Variants in SLC26A9 observed in about 807,000 individuals in gnomAD.
The protein encoded by SLC26A9 is solute carrier family 26 member 9.
A neutral mutation model predicts 87.1 loss-of-function variants in SLC26A9; 46 were observed. That is an observed-to-expected ratio of 0.53 (90% CI 0.42 to 0.67). The LOEUF (loss-of-function observed/expected upper bound fraction) is 0.67. SLC26A9 is among the 30% of genes least tolerant of loss of function. The pLI, the probability that SLC26A9 is intolerant of heterozygous loss-of-function variation, is 0.00. For synonymous variants in SLC26A9, 437 were observed against 409.1 expected (o/e 1.07, Z -0.82); for missense variants, 927 against 1,018.3 (o/e 0.91, Z 1.22).
intron 7 of SLC26A9, 59 bp from the exon 8 acceptor site, chr1:205,928,968 C>T (rs1659194130): frequency 1.3e-6 from 2 of 1,589,604 alleles, no homozygotes; most frequent in Admixed American, 3.4e-5. Context: ...GGGCAGGCGT[C>T]TCTCTCAAGT....
At chr1:205,936,309 T>C (rs576169634) in intron 1 of SLC26A9, among the ~76,000 whole-genome samples, 102 of 152,312 alleles carry the variant, frequency 6.7e-4, no homozygotes, top group African/African-American at 2.4e-3. Flanking sequence ...ACAGCTTGCC[T>C]AGAGGCAGGG....
chr1:205,931,725 C>T (rs1352237437), intron 5 of SLC26A9, 135 bp downstream of exon 5: 9 of 1,235,022 alleles, frequency 7.3e-6, no homozygotes, highest in Non-Finnish European at 7.7e-6. Context: ...CCTCAGCCTC[C>T]CAAAGTGCTG....
rs911909832 is a variant in SLC26A9, at chr1:205,913,151, T to G, written c.*2206A>C. ...ATATCTCAAGAGATAAGGTTCCCAG[T>G]CCTCCCTGGGAATTATATTATCACA... On this transcript the variant is annotated 3_prime_UTR_variant, in exon 21 of 21. Coordinates refer to ENST00000367135, the MANE Select transcript of SLC26A9 (RefSeq NM_052934.4). 5 of 152,156 alleles carry G rather than the reference T, an allele frequency of 3.3e-5. No homozygotes were observed. The highest frequency in any genetic ancestry group is 7.2e-5 in the African/African-American group (3 of 41,422). The allele number at this position is 152,156 out of a possible 1,614,324, so 9.4% of individuals were successfully genotyped here. A position where few individuals can be genotyped will look rare whatever the true frequency, so the allele number is the denominator to read the frequency against.
intron 1 of SLC26A9, among the ~76,000 whole-genome samples, chr1:205,937,913 T>C (rs1316342736): frequency 6.6e-6 from 1 of 151,698 alleles, no homozygotes; most frequent in Non-Finnish European, 1.5e-5. Context: ...AGCCAAAAAT[T>C]TCAAGGGGGG....
intron 2 of SLC26A9, among the ~76,000 whole-genome samples, chr1:205,933,308 TG>T (rs1659382963): frequency 6.6e-6 from 1 of 152,176 alleles, no homozygotes. Context: ...GCTGCTTACC[TG>T]GGGAGTTTAT....
At position 205,914,662 on chromosome 1, in the gene SLC26A9, G is replaced by A; in HGVS notation, c.*695C>T. 1.2e-5 allele frequency: 6 copies of A among 509,910 alleles called. No individual in the cohort carries two copies. The South Asian group carries it at 2.0e-4, about 17-fold the overall frequency. The allele number at this position is 509,910 out of a possible 1,614,324, so 31.6% of individuals were successfully genotyped here. A position where few individuals can be genotyped will look rare whatever the true frequency, so the allele number is the denominator to read the frequency against. Reference sequence around the variant, plus strand: ...ACCTTAGTGGGCTGTCCCCGGGGAGGTAGCTCTGGTGGTCTCGACGGTCCT... The same window carrying A: ...ACCTTAGTGGGCTGTCCCCGGGGAGATAGCTCTGGTGGTCTCGACGGTCCT... On this transcript the variant is annotated 3_prime_UTR_variant, in exon 21 of 21. Transcript: ENST00000367135.
At chr1:205,915,756 C>A (rs145915439) in intron 20 of SLC26A9, among the ~76,000 whole-genome samples, 14 of 152,250 alleles carry the variant, frequency 9.2e-5, no homozygotes, top group Admixed American at 2.6e-4. Context: ...TCCTTTCTCA[C>A]GTTGATAAGC....
intron 19 of SLC26A9, 60 bp from the exon 20 acceptor site, chr1:205,917,414 A>G (rs1658639894): frequency 1.9e-6 from 3 of 1,571,752 alleles, no homozygotes; most frequent in Non-Finnish European, 2.6e-6. Context: ...AAGTTGGTGC[A>G]TGGTGGCAGG....
Position 205,924,439 on chromosome 1 carries a change from A to G in SLC26A9, c.1440T>C (p.Tyr480=), listed in dbSNP as rs1427040023. The G allele has an allele frequency of 1.9e-6, 3 of 1,614,102 alleles. No individual in the cohort carries two copies. Among genetic ancestry groups the G allele is most frequent in the Non-Finnish European group, 2.5e-6 (3 of 1,180,048 alleles). ...AGAAGGCGACACCCACTGCCACACC[A>G]TAGGGCAGGCTGAGGAAGAAGGAGG... is the stretch of plus-strand genomic sequence containing the variant. ...FLSSFFLSLP[Y]GVAVGVAFSV... Residue 480 remains tyrosine, a synonymous_variant, in exon 13 of 21, where the codon TAT becomes TAC. Transcript: ENST00000367135.
Position 205,915,112 on chromosome 1 carries a change from CG to C in SLC26A9, c.*244del. 1 of 1,613,736 alleles carries C rather than the reference CG, an allele frequency of 6.2e-7. No individual in the cohort carries two copies. Among genetic ancestry groups the C allele is most frequent in the Non-Finnish European group, 8.5e-7 (1 of 1,179,820 alleles). On this transcript the variant is annotated 3_prime_UTR_variant, in exon 21 of 21. Coordinates refer to ENST00000367135, the MANE Select transcript of SLC26A9 (RefSeq NM_052934.4). ...CTTGTCCATTGCGGCCAGGGCCTGA[CG>C]GGTGAAGAGTGGGCTCACCAGACTC...
At chr1:205,919,158 G>A (rs578029527) in intron 18 of SLC26A9, among the ~76,000 whole-genome samples, 173 bp from the exon 19 acceptor site, 1 of 152,322 alleles carries the variant, frequency 6.6e-6, no homozygotes, top group Non-Finnish European at 1.5e-5. Flanking sequence ...ACGGCAGAGG[G>A]CAACATGAAC....
chr1:205,919,262 C>T (rs1045457319), intron 18 of SLC26A9, among the ~76,000 whole-genome samples: 7 of 152,318 alleles, frequency 4.6e-5, no homozygotes, highest in Admixed American at 1.3e-4. Context: ...AAGCCTAAGC[C>T]ATCCTTGAAG....
chr1:205,922,550 G>A (rs1658886588), intron 16 of SLC26A9, among the ~76,000 whole-genome samples: 1 of 152,212 alleles, frequency 6.6e-6, no homozygotes, highest in African/African-American at 2.4e-5. Context: ...CCAGAAAATG[G>A]AGAAGGGCCT....
At chr1:205,935,904 T>C in intron 1 of SLC26A9, 66 bp from the exon 2 acceptor site, 1 of 1,516,730 alleles carries the variant, frequency 6.6e-7, no homozygotes, top group East Asian at 2.3e-5. Context: ...CCAGGCCTTC[T>C]CTCTCTGGTC....
At chr1:205,937,911 A>G (rs1659583734) in intron 1 of SLC26A9, among the ~76,000 whole-genome samples, 1 of 151,984 alleles carries the variant, frequency 6.6e-6, no homozygotes, top group African/African-American at 2.4e-5. Flanking sequence ...ATAGCCAAAA[A>G]TTTCAAGGGG....
At position 205,935,812 on chromosome 1, in the gene SLC26A9, C is replaced by A; in HGVS notation, c.9G>T (p.Gln3His). Reference sequence around the variant, plus strand: ...TGTCTACCACGTAGCGGGGCCTGGGCTGGCTCATATCTGGGGCATTTACAA... The same window carrying A: ...TGTCTACCACGTAGCGGGGCCTGGGATGGCTCATATCTGGGGCATTTACAA... MS[Q>H]PRPRYVVDRA... is the part of the protein sequence containing the mutation. The change falls in exon 2 of 21, where the codon CAG becomes CAT. Residue 3 changes from glutamine (Q) to histidine (H), a missense_variant. Coordinates refer to ENST00000367135, the MANE Select transcript of SLC26A9 (RefSeq NM_052934.4). The A allele has an allele frequency of 6.2e-7, 1 of 1,613,438 alleles. No homozygotes were observed. The highest frequency in any genetic ancestry group is 8.5e-7 in the Non-Finnish European group (1 of 1,179,594).
chr1:205,927,660 C>A, intron 9 of SLC26A9, 55 bp from the exon 10 acceptor site: 1 of 1,528,042 alleles, frequency 6.5e-7, no homozygotes, highest in Non-Finnish European at 9.0e-7. Context: ...GCACGGGGAC[C>A]AAGTGCAGTC....
chr1:205,928,699 A>G, intron 8 of SLC26A9, 128 bp downstream of exon 8: 1 of 826,830 alleles, frequency 1.2e-6, no homozygotes. Context: ...GTAATAATTC[A>G]TACATGGTCA....
rs567755500 is a variant in SLC26A9 at position 205,914,656 on chromosome 1, G to A, written c.*701C>T. ...GGCAGAACCTTAGTGGGCTGTCCCC[G>A]GGGAGGTAGCTCTGGTGGTCTCGAC... is the stretch of plus-strand genomic sequence containing the variant. On this transcript the variant is annotated 3_prime_UTR_variant, in exon 21 of 21. Transcript: ENST00000367135. 11 of 494,596 alleles carry A rather than the reference G, an allele frequency of 2.2e-5. No homozygotes were observed. Among genetic ancestry groups the A allele is most frequent in the Admixed American group, 1.1e-4 (3 of 27,200 alleles). The allele number at this position is 494,596 out of a possible 1,614,324, so 30.6% of individuals were successfully genotyped here. A position where few individuals can be genotyped will look rare whatever the true frequency, so the allele number is the denominator to read the frequency against.
Sources: allele counts gnomAD v4.1 joint callset (sites outside exome capture counted in the v4.1 genomes callset), GRCh38; gene constraint gnomAD v4.1.1; transcripts MANE v1.5; gene names NCBI Gene and HGNC (gene_info 2026-07-23, HGNC 2026-07-21).